TTLL9: variants seen among roughly 807,000 people sequenced by gnomAD.
TTLL9 encodes tubulin tyrosine ligase like 9.
In TTLL9, 47 loss-of-function variants were observed where a neutral mutation model predicts 65.6. That is an observed-to-expected ratio of 0.72 (90% confidence interval 0.57 to 0.91). The LOEUF (loss-of-function observed/expected upper bound fraction) is 0.91. Among genes scored for constraint, TTLL9 ranks in the 40% least tolerant of loss-of-function variants. The pLI, the probability that TTLL9 is intolerant of heterozygous loss-of-function variation, is 0.00. For missense variants in TTLL9, 537 were observed against 568.8 expected, an observed-to-expected ratio of 0.94 and a Z score of 0.57; for synonymous variants, 179 against 204.8, an observed-to-expected ratio of 0.87 and a Z score of 1.07.
At chr20:31,926,981 G>A (rs1205271840) in intron 10 of TTLL9, among the ~76,000 whole-genome samples, 1 of 151,880 alleles carries the variant, frequency 6.6e-6, no homozygotes, top group Non-Finnish European at 1.5e-5. Flanking sequence ...CAGATGTGGT[G>A]TCACATGCCT....
At chr20:31,908,565 T>TA in intron 4 of TTLL9, 26 bp from the exon 5 acceptor site, 1 of 1,573,860 alleles carries the variant, frequency 6.4e-7, no homozygotes, top group African/African-American at 1.3e-5. Context: ...CCATGACCTT[T>TA]ATCCCCGCCC....
At position 31,909,899 on chromosome 20, in the gene TTLL9, G is replaced by A. The variant is rs751300873; in HGVS notation, c.481G>A (p.Gly161Arg). 8.1e-6 allele frequency: 13 copies of A among 1,613,894 alleles called. No individual in the cohort carries two copies. In the Admixed American group the frequency reaches 2.2e-4, roughly 27 times the overall value. ...TGTAGAGGAGTTTCGCAAAAACCCA[G>A]GAATCACCTGGATCATGAAGCCTGT... ...LFVEEFRKNP[G>R]ITWIMKPVAR... Residue 161 changes from glycine to arginine, a missense_variant, in exon 6 of 15, where the codon GGA (glycine) becomes AGA (arginine). Transcript: ENST00000535842.
At chr20:31,883,620 A>G (rs919650576) in intron 2 of TTLL9, among the ~76,000 whole-genome samples, 18 of 152,316 alleles carry the variant, frequency 1.2e-4, no homozygotes, top group African/African-American at 4.1e-4. Context: ...TGAGTCAAAC[A>G]TCTTTGACTC....
At chr20:31,906,635 A>G (rs2063563442) in intron 4 of TTLL9, among the ~76,000 whole-genome samples, 2 of 152,022 alleles carry the variant, frequency 1.3e-5, no homozygotes. Context: ...GGAGAAAGGG[A>G]GACAAACCAA....
intron 3 of TTLL9, among the ~76,000 whole-genome samples, chr20:31,889,363 C>T (rs2063247934): frequency 1.3e-5 from 2 of 151,976 alleles, no homozygotes; most frequent in East Asian, 1.9e-4. Flanking sequence ...CAGGCTCATG[C>T]AATCCTCCCA....
At chr20:31,904,878 C>T (rs2123485906) in intron 4 of TTLL9, among the ~76,000 whole-genome samples, 1 of 152,100 alleles carries the variant, frequency 6.6e-6, no homozygotes, top group Non-Finnish European at 1.5e-5. Context: ...AAGCTGAGGC[C>T]CAGAGAAGAG....
intron 3 of TTLL9, among the ~76,000 whole-genome samples, chr20:31,895,614 G>A (rs2123454950): frequency 6.6e-6 from 1 of 152,040 alleles, no homozygotes; most frequent in East Asian, 1.9e-4. Context: ...TCGGCTCACT[G>A]CAGGCTCTGC....
In TTLL9 at chr20:31,911,075, G is replaced by A. The variant is rs138155483; in HGVS notation, c.504+1153G>A. Among the ~76,000 whole-genome samples, 78 of 152,108 alleles carry A rather than the reference G, an allele frequency of 5.1e-4. 1 individual carries two copies. In the East Asian group the frequency reaches 0.012, roughly 24 times the overall value. On this transcript the variant is annotated intron_variant, in intron 6 of 14. Coordinates refer to ENST00000535842, the MANE Select transcript of TTLL9 (RefSeq NM_001008409.5). ...CTGTAATCCCAGCTCCTTGGGAGGC[G>A]GAGGCAGGAGAATTGCTTGAATCTG...
intron 6 of TTLL9, among the ~76,000 whole-genome samples, chr20:31,912,755 A>G (rs1355361612): frequency 6.6e-6 from 1 of 152,000 alleles, no homozygotes; most frequent in East Asian, 1.9e-4. Flanking sequence ...TCTATGTTAC[A>G]GTTTTGAGGC....
intron 6 of TTLL9, among the ~76,000 whole-genome samples, chr20:31,917,457 A>G (rs1335905716): frequency 6.6e-6 from 1 of 152,152 alleles, no homozygotes; most frequent in Non-Finnish European, 1.5e-5. Context: ...CTCAGGGTGG[A>G]GCTATTATGA....
intron 14 of TTLL9, chr20:31,940,055 C>G (rs1367485264): frequency 6.6e-6 from 1 of 152,030 alleles, no homozygotes; most frequent in African/African-American, 2.4e-5. Flanking sequence ...TAAATTATAC[C>G]ATGATGAACA....
chr20:31,881,954 T>C (rs2063123868), intron 2 of TTLL9, among the ~76,000 whole-genome samples: 1 of 152,202 alleles, frequency 6.6e-6, no homozygotes, highest in Admixed American at 6.5e-5. Flanking sequence ...TTTGTGATGC[T>C]ATGAATTTTG....
Position 31,943,264 on chromosome 20 carries a change from G to C in TTLL9, c.*243G>C. The C allele has an allele frequency of 1.8e-6, 1 of 569,160 alleles. No individual in the cohort carries two copies. Among genetic ancestry groups the C allele is most frequent in the South Asian group, 2.0e-5 (1 of 49,316 alleles). 35.3% of individuals were successfully genotyped at this position (569,160 alleles called of 1,614,324 possible). A position where few individuals can be genotyped will look rare whatever the true frequency, so the allele number is the denominator to read the frequency against. On this transcript the variant is annotated 3_prime_UTR_variant, in exon 15 of 15. Transcript: ENST00000535842. ...CTGGGACTGGGGGAGGTTTAACCTTGACAAACTGACTTGGCAGTTAGGCCC... is the reference window on the plus strand; with the variant it reads ...CTGGGACTGGGGGAGGTTTAACCTTCACAAACTGACTTGGCAGTTAGGCCC...
At chr20:31,924,195 G>T (rs1030413823) in intron 8 of TTLL9, among the ~76,000 whole-genome samples, 1 of 151,614 alleles carries the variant, frequency 6.6e-6, no homozygotes, top group Non-Finnish European at 1.5e-5. Context: ...AGACAACCAC[G>T]CCCGCCCCCT....
At chr20:31,879,182 A>T (rs1484306741) in intron 2 of TTLL9, among the ~76,000 whole-genome samples, 1 of 152,144 alleles carries the variant, frequency 6.6e-6, no homozygotes, top group Non-Finnish European at 1.5e-5. Context: ...TTACTCAGGC[A>T]TGGTGGCATG....
intron 9 of TTLL9, 52 bp downstream of exon 9, chr20:31,925,101 G>A (rs372752435): frequency 3.0e-5 from 48 of 1,603,058 alleles, no homozygotes; most frequent in Non-Finnish European, 8.5e-6. Context: ...AGGGTGGCTG[G>A]GCTAGGGAGA....
In TTLL9 at chr20:31,943,093, C is replaced by T. The variant is rs770025223; in HGVS notation, c.*72C>T. On this transcript the variant is annotated 3_prime_UTR_variant, in exon 15 of 15. Transcript: ENST00000535842. ...CCTCCCCCCCACTCCCAGATCCCAGCACAGCACCTCACAGCATTCGCCTCC... is the reference window on the plus strand; with the variant it reads ...CCTCCCCCCCACTCCCAGATCCCAGTACAGCACCTCACAGCATTCGCCTCC... The T allele has an allele frequency of 1.7e-5, 23 of 1,351,670 alleles. No individual in the cohort carries two copies. Among genetic ancestry groups the T allele is most frequent in the Non-Finnish European group, 2.3e-5 (22 of 947,396 alleles). The allele number at this position is 1,351,670 out of a possible 1,614,324, so 83.7% of individuals were successfully genotyped here. A position where few individuals can be genotyped will look rare whatever the true frequency, so the allele number is the denominator to read the frequency against.
At chr20:31,890,075 TCTTG>T (rs1287642460) in intron 3 of TTLL9, among the ~76,000 whole-genome samples, 4 of 131,082 alleles carry the variant, frequency 3.1e-5, no homozygotes, top group African/African-American at 1.3e-4. Flanking sequence ...TTTCTTGCTT[TCTTG>T]CTTTCTTGCT....
In TTLL9 at chr20:31,919,951, C is replaced by G. The variant is rs757641154; in HGVS notation, c.573+19C>G. The G allele has an allele frequency of 4.5e-6, 7 of 1,571,230 alleles. No homozygotes were observed. The highest frequency in any genetic ancestry group is 2.4e-5 in the South Asian group (2 of 84,956). On this transcript the variant is annotated intron_variant, in intron 7 of 14. Coordinates refer to ENST00000535842, the MANE Select transcript of TTLL9 (RefSeq NM_001008409.5). ...GAGGAAGGTGAGCCTGCCTCTTCCC[C>G]CTTCCTCCCTGAACCCTCCTCTGAC...
Sources: allele counts gnomAD v4.1 joint callset (sites outside exome capture counted in the v4.1 genomes callset), GRCh38; gene constraint gnomAD v4.1.1; transcripts MANE v1.5; gene names NCBI Gene and HGNC (gene_info 2026-07-23, HGNC 2026-07-21).